DPY19L3: variants seen among roughly 807,000 people sequenced by gnomAD.
DPY19L3 encodes the protein protein C-mannosyl-transferase DPY19L3.
A neutral mutation model predicts 92.3 loss-of-function variants in DPY19L3; 51 were observed. The ratio of observed to expected loss-of-function variants is 0.55; its 90% CI spans 0.44 to 0.70. The LOEUF (loss-of-function observed/expected upper bound fraction) is 0.70, where lower values mean the gene tolerates loss of function less well. Among genes scored for constraint, DPY19L3 ranks in the 30% least tolerant of loss-of-function variants. The pLI, the probability that DPY19L3 is intolerant of heterozygous loss-of-function variation, is 0.00. For missense variants in DPY19L3, 706 were observed against 855.9 expected, an observed-to-expected ratio of 0.82 and a Z score of 2.18; for synonymous variants, 309 against 315.2, an observed-to-expected ratio of 0.98 and a Z score of 0.21.
Position 32,482,539 on chromosome 19 carries a change from G to A in DPY19L3, c.*299G>A, listed in dbSNP as rs1970706228. ...AATGATGTGTGTTCCATGGATACCT[G>A]GATAGGCACATAACATGTTGGAAGA... is the stretch of plus-strand genomic sequence containing the variant. On this transcript the variant is annotated 3_prime_UTR_variant, in exon 19 of 19. Coordinates refer to ENST00000392250, the MANE Select transcript of DPY19L3 (RefSeq NM_001172774.2). The A allele has an allele frequency of 1.6e-5, 4 of 256,418 alleles. No homozygotes were observed. Among genetic ancestry groups the A allele is most frequent in the South Asian group, 1.5e-4 (2 of 13,722 alleles). 15.9% of individuals were successfully genotyped at this position (256,418 alleles called of 1,614,324 possible). A position where few individuals can be genotyped will look rare whatever the true frequency, so the allele number is the denominator to read the frequency against.
At chr19:32,474,844 C>T (rs1342266187) in intron 16 of DPY19L3, among the ~76,000 whole-genome samples, 1 of 152,154 alleles carries the variant, frequency 6.6e-6, no homozygotes, top group East Asian at 1.9e-4. Context: ...CCCACCTGGC[C>T]GTCCAAAGTG....
intron 8 of DPY19L3, among the ~76,000 whole-genome samples, chr19:32,441,335 C>T (rs895926614): frequency 1.3e-5 from 2 of 151,934 alleles, no homozygotes; most frequent in Non-Finnish European, 2.9e-5. Context: ...ACCATTAGTT[C>T]CCCCATATTT....
In DPY19L3 at chr19:32,439,890, G is replaced by A. The variant is rs1349142486; in HGVS notation, c.835G>A (p.Asp279Asn). 1 of 1,613,290 alleles carries A rather than the reference G, an allele frequency of 6.2e-7. No homozygotes were observed. Among genetic ancestry groups the A allele is most frequent in the Admixed American group, 1.7e-5 (1 of 59,834 alleles). The change falls in exon 8 of 19, where the codon GAC becomes AAC. Residue 279 changes from aspartate to asparagine, a missense_variant. Physicochemically the swap from Asp to Asn is conservative, Grantham distance 23. Transcript: ENST00000392250. ...ALVLFTLDSL[D>N]MLPAVKATWL... ...AGTGCTGTTCACACTGGACTCCCTG[G>A]ACATGCTGCCAGCAGTGAAGGTGAG...
chr19:32,453,339 CCTTATTTT>C, intron 9 of DPY19L3, 63 bp downstream of exon 9: 1 of 1,492,048 alleles, frequency 6.7e-7, no homozygotes, highest in East Asian at 2.3e-5. Flanking sequence ...GTTTATTGAA[CCTTATTTT>C]CACACAGCAT....
At chr19:32,440,012 G>A in intron 8 of DPY19L3, 102 bp downstream of exon 8, 1 of 1,473,638 alleles carries the variant, frequency 6.8e-7, no homozygotes. Flanking sequence ...TAAAATTGAA[G>A]CTGTTTCTTA....
chr19:32,454,137 A>G (rs541723233), intron 9 of DPY19L3, among the ~76,000 whole-genome samples: 21 of 152,310 alleles, frequency 1.4e-4, no homozygotes, highest in African/African-American at 4.8e-4. Context: ...TTAAGATATT[A>G]TTATATTTAA....
At chr19:32,423,704 G>A (rs929893938) in intron 3 of DPY19L3, among the ~76,000 whole-genome samples, 3 of 152,078 alleles carry the variant, frequency 2.0e-5, no homozygotes, top group Non-Finnish European at 4.4e-5. Flanking sequence ...AAGAAGAAGG[G>A]GAAGAGAGGG....
chr19:32,474,483 G>T (rs572495835), intron 16 of DPY19L3, among the ~76,000 whole-genome samples: 1 of 152,212 alleles, frequency 6.6e-6, no homozygotes, highest in African/African-American at 2.4e-5. Context: ...TTCATTTCCA[G>T]CTTAGCTGAA....
intron 17 of DPY19L3, among the ~76,000 whole-genome samples, chr19:32,479,071 A>G (rs1970596617): frequency 1.3e-5 from 2 of 152,104 alleles, no homozygotes; most frequent in Admixed American, 1.3e-4. Context: ...ATGTTTCCTA[A>G]TGTCACTTTT....
At chr19:32,430,590 G>C (rs1417705463) in intron 3 of DPY19L3, among the ~76,000 whole-genome samples, 1 of 152,052 alleles carries the variant, frequency 6.6e-6, no homozygotes, top group African/African-American at 2.4e-5. Context: ...TAAGTCTGAA[G>C]ATAATAGCAT....
At chr19:32,479,452 C>A in intron 17 of DPY19L3, 1 of 275,366 alleles carries the variant, frequency 3.6e-6, no homozygotes. Context: ...TACGGCTCTT[C>A]ATCAGGACCC....
chr19:32,451,146 A>C (rs1599643731), intron 8 of DPY19L3, among the ~76,000 whole-genome samples: 1 of 152,248 alleles, frequency 6.6e-6, no homozygotes, highest in East Asian at 1.9e-4. Context: ...AAACACCTAA[A>C]TGGTCCAGTG....
In DPY19L3 at chr19:32,408,243, A is replaced by C; in HGVS notation, c.-11A>C. 6 of 1,600,812 alleles carry C rather than the reference A, an allele frequency of 3.7e-6. No homozygotes were observed. Among genetic ancestry groups the C allele is most frequent in the Non-Finnish European group, 5.1e-6 (6 of 1,169,976 alleles). On this transcript the variant is annotated 5_prime_UTR_variant, in exon 2 of 19. The change abolishes the stop of an existing upstream ORF in the 5' untranslated region. Transcript: ENST00000392250. ...AGTGATTTGGAGAACAATGCATGTA[A>C]GTCTGACATCATGATGTCCATCCGG...
At chr19:32,470,921 C>T (rs1007836912) in intron 16 of DPY19L3, among the ~76,000 whole-genome samples, 5 of 150,984 alleles carry the variant, frequency 3.3e-5, no homozygotes, top group African/African-American at 1.2e-4. Context: ...GTAAAACTAG[C>T]TGCTTGGTAT....
chr19:32,445,661 A>G (rs1161236659), intron 8 of DPY19L3, among the ~76,000 whole-genome samples: 1 of 152,154 alleles, frequency 6.6e-6, no homozygotes, highest in Non-Finnish European at 1.5e-5. Context: ...AAAAAGTAAA[A>G]ATGTGAATAA....
At chr19:32,420,021 G>A (rs951240416) in intron 3 of DPY19L3, among the ~76,000 whole-genome samples, 6 of 151,066 alleles carry the variant, frequency 4.0e-5, no homozygotes, top group African/African-American at 1.5e-4. Flanking sequence ...CACCACGCCC[G>A]GCTAATTTTT....
intron 4 of DPY19L3, among the ~76,000 whole-genome samples, chr19:32,433,086 G>A (rs1050899484): frequency 9.9e-5 from 15 of 152,116 alleles, no homozygotes; most frequent in African/African-American, 3.4e-4. Context: ...GATCATTTTG[G>A]AGGAGGTCTT....
At chr19:32,434,516 G>A (rs1481623323) in intron 4 of DPY19L3, among the ~76,000 whole-genome samples, 10 of 152,190 alleles carry the variant, frequency 6.6e-5, no homozygotes, top group East Asian at 3.9e-4. Flanking sequence ...AAAATTAGCC[G>A]GGCGTAGTGG....
At chr19:32,481,984 TACCATTCTTAA>T in intron 18 of DPY19L3, 84 bp from the exon 19 acceptor site, 6 of 1,354,154 alleles carry the variant, frequency 4.4e-6, no homozygotes, top group Non-Finnish European at 6.1e-6. Flanking sequence ...TTCACTCACA[TACCATTCTTAA>T]ACCCAATACC....
Sources: allele counts gnomAD v4.1 joint callset (sites outside exome capture counted in the v4.1 genomes callset), GRCh38; gene constraint gnomAD v4.1.1; transcripts MANE v1.5; gene names NCBI Gene and HGNC (gene_info 2026-07-23, HGNC 2026-07-21).